Variants in CUX1 observed in about 807,000 individuals in gnomAD.
CUX1 encodes the protein protein CASP.
In CUX1, 31 loss-of-function variants were observed where a neutral mutation model predicts 158.8. The observed-to-expected ratio is 0.20, with a 90% confidence interval of 0.15 to 0.26. The LOEUF is 0.26. Among genes scored for constraint, CUX1 ranks in the 10% least tolerant of loss-of-function variants. The pLI is 1.00. For synonymous variants in CUX1, 879 were observed against 862.1 expected (o/e 1.02, Z -0.34); for missense variants, 1,589 against 2,014.6 (o/e 0.79, Z 4.04).
rs556691337 is a variant in CUX1, at chr7:101,871,789, G to A, written c.31-44326G>A. On this transcript the variant is annotated intron_variant, in intron 1 of 23. Transcript: ENST00000292535. ...TCCCAGTTCTTTGGGAGGCCAAGGCGGGTGGATCACCTGAGGTCAGGAGTT... is the reference window on the plus strand; with the variant it reads ...TCCCAGTTCTTTGGGAGGCCAAGGCAGGTGGATCACCTGAGGTCAGGAGTT... 5.9e-5 allele frequency among the ~76,000 whole-genome samples: 9 copies of A among 152,266 alleles called. No individual in the cohort carries two copies. In the East Asian group the frequency reaches 7.7e-4, roughly 13 times the overall value.
At position 102,196,668 on chromosome 7, in the gene CUX1, A is replaced by C; in HGVS notation, c.1257A>C (p.Glu419Asp). Residue 419 changes from glutamate (E) to aspartate (D), a missense_variant, in exon 15 of 24, where the codon GAA becomes GAC. This residue lies in a region of CUX1 where 515 missense variants were observed against 574.4 expected (regional missense o/e 0.90). Coordinates refer to ENST00000292535, the MANE Select transcript of CUX1 (RefSeq NM_181552.4). ...GGAGGAAAGGGAAAGACCAGCCTGA[A>C]AGTCGGCGCCCGGGATCTTTGCCGG... is the stretch of plus-strand genomic sequence containing the variant. ...SARRKGKDQP[E>D]SRRPGSLPAP... 2 of 1,590,074 alleles carry C rather than the reference A, an allele frequency of 1.3e-6. No homozygotes were observed. Among genetic ancestry groups the C allele is most frequent in the Non-Finnish European group, 1.7e-6 (2 of 1,166,910 alleles).
intron 15 of CUX1, among the ~76,000 whole-genome samples, chr7:102,197,845 T>G (rs1330965039): frequency 6.6e-6 from 1 of 152,146 alleles, no homozygotes; most frequent in Non-Finnish European, 1.5e-5. Flanking sequence ...AGTGATTTGT[T>G]TAGCATTATG....
Position 101,995,091 on chromosome 7 carries a change from T to C in CUX1, c.142-33007T>C, listed in dbSNP as rs142792568. Among the ~76,000 whole-genome samples, 77 of 152,100 alleles carry C rather than the reference T, an allele frequency of 5.1e-4. No homozygotes were observed. The East Asian group carries it at 0.015, about 29-fold the overall frequency. Reference sequence around the variant, plus strand: ...GCCTGGGCAACAGAACAAGACCCTGTCTCAAAATTAAAAGAGAGAGAGAAA... The same window carrying C: ...GCCTGGGCAACAGAACAAGACCCTGCCTCAAAATTAAAAGAGAGAGAGAAA... On this transcript the variant is annotated intron_variant, in intron 2 of 23. Transcript: ENST00000292535.
chr7:101,816,349 C>G (rs1192703622), upstream of CUX1, among the ~76,000 whole-genome samples: 1 of 145,128 alleles, frequency 6.9e-6, no homozygotes, highest in Non-Finnish European at 1.5e-5. Context: ...CGGGAGCCGC[C>G]GCCGCCACCA....
At chr7:102,103,728 C>T (rs1273168268) in intron 5 of CUX1, among the ~76,000 whole-genome samples, 1 of 151,448 alleles carries the variant, frequency 6.6e-6, no homozygotes, top group East Asian at 1.9e-4. Context: ...AGCCACTGTG[C>T]TTGGCCTGTA....
intron 1 of CUX1, among the ~76,000 whole-genome samples, chr7:101,914,368 T>TTCCTTCCCTCCCTCCCTCCCTCCC (rs1563001952): frequency 3.5e-4 from 44 of 126,598 alleles, no homozygotes; most frequent in African/African-American, 1.3e-3. Flanking sequence ...CCTTCCTTCC[T>TTCCTTCCCTCCCTCCCTCCCTCCC]TCCCTCCCTC....
chr7:102,107,247 A>G (rs889676189), intron 6 of CUX1, among the ~76,000 whole-genome samples: 5 of 151,822 alleles, frequency 3.3e-5, no homozygotes, highest in Non-Finnish European at 5.9e-5. Context: ...AAAGAAAAGA[A>G]AAGAAAAGAG....
rs557145442 is a variant in CUX1 at position 102,140,859 on chromosome 7, C to T, written c.675-17701C>T. Among the ~76,000 whole-genome samples, 191 of 146,416 alleles carry T rather than the reference C, an allele frequency of 1.3e-3. 1 individual carries two copies. Among genetic ancestry groups the T allele is most frequent in the African/African-American group, 4.5e-3 (177 of 38,990 alleles). ...CAGCCTGGGGGATGGAGCGAGACTT[C>T]GTCTCAAAAAAAAAAAAAAACAGCA... On this transcript the variant is annotated intron_variant, in intron 8 of 23. Coordinates refer to ENST00000292535, the MANE Select transcript of CUX1 (RefSeq NM_181552.4).
intron 8 of CUX1, among the ~76,000 whole-genome samples, chr7:102,145,919 C>T (rs1270025309): frequency 6.6e-6 from 1 of 152,100 alleles, no homozygotes; most frequent in Admixed American, 6.6e-5. Context: ...TGCACTCCAG[C>T]CTGGGCAGTA....
chr7:102,205,311 A>C (rs1554520801), intron 20 of CUX1, 141 bp downstream of exon 20: 3 of 659,520 alleles, frequency 4.5e-6, no homozygotes, highest in African/African-American at 1.8e-5. Flanking sequence ...TCCTATCTGC[A>C]AACGGGGTCC....
At chr7:101,939,074 T>C (rs1456740436) in intron 2 of CUX1, among the ~76,000 whole-genome samples, 5 of 7,580 alleles carry the variant, frequency 6.6e-4, no homozygotes, top group South Asian at 9.9e-3. Flanking sequence ...TATATATATA[T>C]ATATATATAT....
chr7:101,933,375 T>TAAC (rs938756057), intron 2 of CUX1, among the ~76,000 whole-genome samples: 1 of 152,178 alleles, frequency 6.6e-6, no homozygotes, highest in East Asian at 1.9e-4. Context: ...TTTCCTTTTT[T>TAAC]AACAACAACA....
intron 11 of CUX1, among the ~76,000 whole-genome samples, chr7:102,184,431 G>A (rs956616753): frequency 3.9e-5 from 6 of 152,132 alleles, no homozygotes; most frequent in Non-Finnish European, 8.8e-5. Flanking sequence ...ATTGGCACTT[G>A]ATCATCCTAC....
At chr7:101,833,037 T>A (rs1048932309) in intron 1 of CUX1, among the ~76,000 whole-genome samples, 9 of 152,128 alleles carry the variant, frequency 5.9e-5, no homozygotes, top group Non-Finnish European at 1.3e-4. Flanking sequence ...AGCATTCTTC[T>A]CTGATTCATG....
At chr7:102,222,959 G>A (rs35479074) in intron 20 of CUX1, among the ~76,000 whole-genome samples, 17 of 150,432 alleles carry the variant, frequency 1.1e-4, no homozygotes, top group African/African-American at 3.4e-4. Flanking sequence ...AGCTGGGCAC[G>A]CGCCTGGCTA....
intron 2 of CUX1, among the ~76,000 whole-genome samples, chr7:101,930,094 G>C (rs1291754451): frequency 6.6e-6 from 1 of 152,126 alleles, no homozygotes; most frequent in East Asian, 1.9e-4. Context: ...CACCTGCCTT[G>C]GCCTCCCAAA....
Position 102,166,103 on chromosome 7 carries a change from G to A in CUX1, c.724-4343G>A, listed in dbSNP as rs572590942. 3.9e-5 allele frequency among the ~76,000 whole-genome samples: 6 copies of A among 152,292 alleles called. No homozygotes were observed. The South Asian group carries it at 1.2e-3, about 32-fold the overall frequency. On this transcript the variant is annotated intron_variant, in intron 9 of 23. Transcript: ENST00000292535. Reference sequence around the variant, plus strand: ...GGGGCCACACATGCCAGGGACCTTCGTGACAATGTCCTGGACACCATCGCC... The same window carrying A: ...GGGGCCACACATGCCAGGGACCTTCATGACAATGTCCTGGACACCATCGCC...
chr7:102,195,633 G>C, intron 14 of CUX1, 30 bp downstream of exon 14: 1 of 1,571,884 alleles, frequency 6.4e-7, no homozygotes, highest in Non-Finnish European at 8.6e-7. Flanking sequence ...CGCGTGTGCG[G>C]TGGTTGGTTC....
intron 8 of CUX1, among the ~76,000 whole-genome samples, chr7:102,138,610 A>C (rs1193898655): frequency 6.6e-6 from 1 of 152,232 alleles, no homozygotes; most frequent in Non-Finnish European, 1.5e-5. Context: ...CTAGCATAGC[A>C]GCAAATTATA....
Sources: allele counts gnomAD v4.1 joint callset (sites outside exome capture counted in the v4.1 genomes callset), GRCh38; gene constraint gnomAD v4.1.1; regional missense constraint gnomAD v4.1.1; transcripts MANE v1.5; gene names NCBI Gene and HGNC (gene_info 2026-07-23, HGNC 2026-07-21).